Variants in ALX1 observed in about 807,000 individuals in gnomAD.
ALX1 encodes ALX homeobox protein 1.
ALX1 carries 19 observed loss-of-function variants against 31.7 expected under a neutral mutation model. The ratio of observed to expected loss-of-function variants is 0.60; its 90% CI spans 0.42 to 0.88. The LOEUF is 0.88. ALX1 is among the 40% of genes least tolerant of loss of function. The pLI, the probability that ALX1 is intolerant of heterozygous loss-of-function variation, is 0.00. For missense variants in ALX1, 415 were observed against 407.8 expected (o/e 1.02, Z -0.15); for synonymous variants, 153 against 148.8 (o/e 1.03, Z -0.20).
intron 2 of ALX1, among the ~76,000 whole-genome samples, chr12:85,284,271 A>G (rs575002143): frequency 2.0e-5 from 3 of 147,090 alleles, no homozygotes; most frequent in East Asian, 2.0e-4. Context: ...TTTAGATTAT[A>G]TATCAGGTAT....
intron 1 of ALX1, among the ~76,000 whole-genome samples, chr12:85,281,503 G>C (rs1056196475): frequency 6.6e-6 from 1 of 152,034 alleles, no homozygotes; most frequent in Non-Finnish European, 1.5e-5. Context: ...CAAGCCCCCT[G>C]CCCCCTATTT....
At chr12:85,293,600 A>G (rs1003818428) in intron 3 of ALX1, among the ~76,000 whole-genome samples, 12 of 150,768 alleles carry the variant, frequency 8.0e-5, no homozygotes, top group Non-Finnish European at 1.3e-4. Flanking sequence ...GTGACTGTAC[A>G]CAGTAAGTTA....
At chr12:85,291,351 A>T (rs1426432046) in intron 3 of ALX1, among the ~76,000 whole-genome samples, 1 of 151,190 alleles carries the variant, frequency 6.6e-6, no homozygotes, top group East Asian at 1.9e-4. Context: ...CTAAATTTGC[A>T]AACACTTCTT....
intron 3 of ALX1, among the ~76,000 whole-genome samples, chr12:85,299,193 A>C (rs1425278163): frequency 6.6e-6 from 1 of 151,088 alleles, no homozygotes; most frequent in East Asian, 1.9e-4. Context: ...CTCTTTTATC[A>C]GACATGTGAC....
chr12:85,293,824 G>A (rs1896850027), intron 3 of ALX1, among the ~76,000 whole-genome samples: 1 of 151,096 alleles, frequency 6.6e-6, no homozygotes, highest in African/African-American at 2.4e-5. Flanking sequence ...CAGAACTGTT[G>A]TTTAAAATCT....
At chr12:85,289,564 C>T (rs1896790654) in intron 3 of ALX1, among the ~76,000 whole-genome samples, 2 of 151,004 alleles carry the variant, frequency 1.3e-5, no homozygotes, top group Non-Finnish European at 3.0e-5. Flanking sequence ...GGCTATACCA[C>T]CTGATAATTT....
intron 3 of ALX1, among the ~76,000 whole-genome samples, chr12:85,292,146 G>A (rs568891207): frequency 6.6e-6 from 1 of 151,076 alleles, no homozygotes. Context: ...TCTCCAGGTA[G>A]CTAAATTGCT....
At chr12:85,284,641 G>T in intron 2 of ALX1, among the ~76,000 whole-genome samples, 1 of 152,020 alleles carries the variant, frequency 6.6e-6, no homozygotes, top group East Asian at 1.9e-4. Context: ...AAAATAATTT[G>T]AGAAAGAAAA....
At chr12:85,301,041 C>T (rs1896957731) in intron 3 of ALX1, 114 bp from the exon 4 acceptor site, 1 of 1,098,694 alleles carries the variant, frequency 9.1e-7, no homozygotes, top group Non-Finnish European at 1.4e-6. Flanking sequence ...ACAGACCACC[C>T]AATAGGAGCA....
intron 3 of ALX1, among the ~76,000 whole-genome samples, chr12:85,299,669 TTTGAACCTGGTTA>T (rs1896937303): frequency 6.6e-6 from 1 of 151,838 alleles, no homozygotes; most frequent in Non-Finnish European, 1.5e-5. Flanking sequence ...TCTCTTACGT[TTTGAACCTGGTTA>T]ATCAGTCCTT....
At chr12:85,283,482 C>A in intron 1 of ALX1, 90 bp from the exon 2 acceptor site, 1 of 1,365,560 alleles carries the variant, frequency 7.3e-7, no homozygotes, top group Admixed American at 1.7e-5. Context: ...AGGCCAATTT[C>A]TTGATACTCT....
At chr12:85,295,236 C>T (rs905034747) in intron 3 of ALX1, among the ~76,000 whole-genome samples, 3 of 151,262 alleles carry the variant, frequency 2.0e-5, no homozygotes, top group Non-Finnish European at 4.4e-5. Flanking sequence ...TTTCTCCCTG[C>T]CAGCAACTTA....
At chr12:85,288,903 C>T (rs1274572166) in intron 3 of ALX1, among the ~76,000 whole-genome samples, 1 of 151,330 alleles carries the variant, frequency 6.6e-6, no homozygotes, top group African/African-American at 2.4e-5. Flanking sequence ...AGAGAAATAA[C>T]AATAAAAATA....
At chr12:85,300,283 G>T (rs775041376) in intron 3 of ALX1, among the ~76,000 whole-genome samples, 1 of 151,868 alleles carries the variant, frequency 6.6e-6, no homozygotes, top group Admixed American at 6.6e-5. Flanking sequence ...GCATTGAATT[G>T]TTTCCTGTGG....
At chr12:85,285,283 G>A (rs573229428) in intron 2 of ALX1, among the ~76,000 whole-genome samples, 11 of 151,858 alleles carry the variant, frequency 7.2e-5, no homozygotes, top group East Asian at 5.8e-4. Context: ...TACTCAGGTC[G>A]TTCTCTTTCC....
At position 85,301,332 on chromosome 12, in the gene ALX1, T is replaced by G; in HGVS notation, c.838T>G (p.Phe280Val). 6.2e-7 allele frequency: 1 copy of G among 1,613,998 alleles called. No homozygotes were observed. Among genetic ancestry groups the G allele is most frequent in the Non-Finnish European group, 8.5e-7 (1 of 1,179,974 alleles). Reference protein sequence around the residue: ...NQFSHVPLNNFFTDSLLTGAT... With the variant: ...NQFSHVPLNNVFTDSLLTGAT... ...GTTCAGCCACGTGCCCCTCAACAAT[T>G]TTTTCACTGACTCTCTTCTTACTGG... Residue 280 changes from phenylalanine to valine, a missense_variant, in exon 4 of 4, where the codon TTT becomes GTT. Physicochemically the swap from Phe to Val is conservative, Grantham distance 50. Around this residue, in one of 3 missense-constraint regions of ALX1, gnomAD observed 174 missense variants for 177.5 expected, o/e 0.98. Coordinates refer to ENST00000316824, the MANE Select transcript of ALX1 (RefSeq NM_006982.3).
chr12:85,289,392 A>G (rs188163888), intron 3 of ALX1, among the ~76,000 whole-genome samples: 2 of 151,384 alleles, frequency 1.3e-5, no homozygotes, highest in African/African-American at 4.8e-5. Flanking sequence ...TTATTAATTA[A>G]AAGAATGAGG....
rs560456969 is a variant in ALX1, at chr12:85,288,029, T to G, written c.660+1048T>G. 1.2e-3 allele frequency among the ~76,000 whole-genome samples: 177 copies of G among 151,652 alleles called. 1 individual carries two copies. The highest frequency in any genetic ancestry group is 1.2e-3 in the Non-Finnish European group (82 of 67,616). ...CCTTGTGTTCCTATGCCTTTTATGA[T>G]TCTTAAAAACCAGTTTTAGAAACCT... On this transcript the variant is annotated intron_variant, in intron 3 of 3. Coordinates refer to ENST00000316824, the MANE Select transcript of ALX1 (RefSeq NM_006982.3).
chr12:85,299,837 G>T (rs1021433481), intron 3 of ALX1, among the ~76,000 whole-genome samples: 1 of 151,830 alleles, frequency 6.6e-6, no homozygotes, highest in Non-Finnish European at 1.5e-5. Context: ...ATATGTAGGT[G>T]CCTGGAATCT....
Sources: allele counts gnomAD v4.1 joint callset (sites outside exome capture counted in the v4.1 genomes callset), GRCh38; gene constraint gnomAD v4.1.1; regional missense constraint gnomAD v4.1.1; transcripts MANE v1.5; gene names NCBI Gene and HGNC (gene_info 2026-07-23, HGNC 2026-07-21).